NAB2: variants seen among roughly 807,000 people sequenced by gnomAD.
The protein encoded by NAB2 is NGFI-A binding protein 2, also known as NGFI-A-binding protein 2.
Under a neutral mutation model 44.2 loss-of-function variants are expected in NAB2, and 9 were observed. That is an observed-to-expected ratio of 0.20 (90% CI 0.12 to 0.36). NAB2 has a LOEUF of 0.36. NAB2 is among the 10% of genes least tolerant of loss of function. The pLI, the probability that NAB2 is intolerant of heterozygous loss-of-function variation, is 1.00. For missense variants in NAB2, 514 were observed against 709.0 expected (o/e 0.73, Z 3.12); for synonymous variants, 342 against 291.0 (o/e 1.18, Z -1.78).
chr12:57,090,057 C>T (rs929981069), intron 1 of NAB2, among the ~76,000 whole-genome samples: 17 of 152,298 alleles, frequency 1.1e-4, no homozygotes, highest in Non-Finnish European at 2.4e-4. Flanking sequence ...CCTGCCACGG[C>T]CCCTGAGCTG....
chr12:57,093,934 A>C lies in NAB2; in HGVS notation c.1468+336A>C, dbSNP rs2033263121. Among the ~76,000 whole-genome samples the C allele has an allele frequency of 2.6e-5, 4 of 152,086 alleles. No homozygotes were observed. The South Asian group carries it at 6.2e-4, about 24-fold the overall frequency. ...CCAACCCAGGAGTGGGGAGCAGGCT[A>C]GGAGTTGTGGGTATGGGGATGGGGA... On this transcript the variant is annotated intron_variant, in intron 6 of 6. Transcript: ENST00000300131.
chr12:57,092,643 C>G, intron 3 of NAB2, 62 bp downstream of exon 3: 2 of 1,587,116 alleles, frequency 1.3e-6, no homozygotes, highest in Non-Finnish European at 8.6e-7. Context: ...AGATCATGTC[C>G]TAACCTTCAG....
At chr12:57,089,741 C>CCGAGGTCCTGGAGAAGG (rs1555172922) in intron 1 of NAB2, among the ~76,000 whole-genome samples, 1 of 150,566 alleles carries the variant, frequency 6.6e-6, no homozygotes, top group Non-Finnish European at 1.5e-5. Context: ...GCGCGGGCCC[C>CCGAGGTCCTGGAGAAGG]CGGTGCCTTT....
intron 6 of NAB2, 127 bp from the exon 7 acceptor site, chr12:57,094,485 G>A (rs182936348): frequency 6.2e-5 from 47 of 754,628 alleles, no homozygotes; most frequent in Non-Finnish European, 1.0e-4. Flanking sequence ...TGGGCAGGAG[G>A]CAGTAATTCA....
At chr12:57,089,923 G>A (rs1003615189) in intron 1 of NAB2, among the ~76,000 whole-genome samples, 4 of 152,202 alleles carry the variant, frequency 2.6e-5, no homozygotes, top group African/African-American at 9.7e-5. Flanking sequence ...TTGAAGATGC[G>A]GGTGGAAAAT....
chr12:57,092,271 A>G, intron 2 of NAB2, 177 bp from the exon 3 acceptor site: 1 of 1,080,314 alleles, frequency 9.3e-7, no homozygotes, highest in Non-Finnish European at 1.3e-6. Flanking sequence ...ATTCCTAGGA[A>G]GCTGTGGGTG....
At position 57,091,902 on chromosome 12, in the gene NAB2, T is replaced by C. The variant is rs1188510637; in HGVS notation, c.861T>C (p.Asn287=). The C allele has an allele frequency of 9.9e-6, 16 of 1,614,106 alleles. No homozygotes were observed. Among genetic ancestry groups the C allele is most frequent in the Non-Finnish European group, 1.4e-5 (16 of 1,180,000 alleles). The change falls in exon 2 of 7, where the codon AAT becomes AAC. Residue 287 remains asparagine (N), a synonymous_variant. Transcript: ENST00000300131. This position sits in a 1 kb window ranked among gnomAD's most constrained non-coding sequence, Gnocchi z 7.3. The stretch of plus-strand genomic sequence containing the variant: ...GGCACATCTTTGAGATGGATGATAA[T>C]GACAGCCAGAAGGAAGAGGAGATCC... The part of the protein sequence containing the change: ...SVGHIFEMDD[N]DSQKEEEIRK...
At chr12:57,092,874 C>A in intron 3 of NAB2, 43 bp from the exon 4 acceptor site, 1 of 1,609,428 alleles carries the variant, frequency 6.2e-7, no homozygotes, top group Non-Finnish European at 8.5e-7. Flanking sequence ...AGTCGAGTGG[C>A]CCTCGTCAGC....
Position 57,093,398 on chromosome 12 carries a change from T to C in NAB2, c.1277-9T>C, listed in dbSNP as rs1182353982. The C allele has an allele frequency of 1.3e-6, 2 of 1,548,306 alleles. No homozygotes were observed. The highest frequency in any genetic ancestry group is 1.7e-6 in the Non-Finnish European group (2 of 1,147,970). ...CAGCCCCTTACCTGACCAGTGCCCA[T>C]GCCCACAGCTGTGGGGTCATGTCCA... is the stretch of plus-strand genomic sequence containing the variant. On this transcript the variant is annotated splice_polypyrimidine_tract_variant and intron_variant, in intron 5 of 6. Coordinates refer to ENST00000300131, the MANE Select transcript of NAB2 (RefSeq NM_005967.4).
Position 57,091,900 on chromosome 12 carries a change from A to G in NAB2, c.859A>G (p.Asn287Asp), listed in dbSNP as rs2033196585. The G allele has an allele frequency of 1.2e-6, 2 of 1,614,166 alleles. No homozygotes were observed. Among genetic ancestry groups the G allele is most frequent in the Non-Finnish European group, 1.7e-6 (2 of 1,180,016 alleles). Residue 287 changes from asparagine (N) to aspartate (D), a missense_variant, in exon 2 of 7, where the codon AAT (asparagine) becomes GAT (aspartate). Transcript: ENST00000300131. This position sits in a 1 kb window ranked among gnomAD's most constrained non-coding sequence, Gnocchi z 7.3. The stretch of plus-strand genomic sequence containing the variant: ...TGGGCACATCTTTGAGATGGATGAT[A>G]ATGACAGCCAGAAGGAAGAGGAGAT... Reference protein sequence around the residue: ...SVGHIFEMDDNDSQKEEEIRK... With the variant: ...SVGHIFEMDDDDSQKEEEIRK...
chr12:57,089,260 C>A lies in NAB2; in HGVS notation c.-12C>A. The A allele has an allele frequency of 6.4e-7, 1 of 1,567,574 alleles. No individual in the cohort carries two copies. The stretch of plus-strand genomic sequence containing the variant: ...CACCGAGAAGGGCAGCCCGGGTGAT[C>A]TCCGGCCGTCCATGCACAGAGCGCC... On this transcript the variant is annotated 5_prime_UTR_variant, in exon 1 of 7. Coordinates refer to ENST00000300131, the MANE Select transcript of NAB2 (RefSeq NM_005967.4).
At position 57,091,052 on chromosome 12, in the gene NAB2, A is replaced by G. The variant is rs934215329; in HGVS notation, c.84-73A>G. On this transcript the variant is annotated intron_variant, in intron 1 of 6. Coordinates refer to ENST00000300131, the MANE Select transcript of NAB2 (RefSeq NM_005967.4). This position sits in a 1 kb window ranked among gnomAD's most constrained non-coding sequence, Gnocchi z 7.3. The stretch of plus-strand genomic sequence containing the variant: ...AAAAGCAGGCAGGAAAGAGGGAACA[A>G]TTGTTAGTGTGGGTTGGTACCCAGT... 2.0e-5 allele frequency: 26 copies of G among 1,282,244 alleles called. No individual in the cohort carries two copies. The African/African-American group carries it at 2.8e-4, about 14-fold the overall frequency. The allele number at this position is 1,282,244 out of a possible 1,614,324, so 79.4% of individuals were successfully genotyped here.
Position 57,091,044 on chromosome 12 carries a change from A to C in NAB2, c.84-81A>C. On this transcript the variant is annotated intron_variant, in intron 1 of 6. Coordinates refer to ENST00000300131, the MANE Select transcript of NAB2 (RefSeq NM_005967.4). This position sits in a 1 kb window ranked among gnomAD's most constrained non-coding sequence, Gnocchi z 7.3. ...AGGGGAAGAAAAGCAGGCAGGAAAG[A>C]GGGAACAATTGTTAGTGTGGGTTGG... The C allele has an allele frequency of 8.3e-7, 1 of 1,211,056 alleles. No individual in the cohort carries two copies. The highest frequency in any genetic ancestry group is 1.1e-6 in the Non-Finnish European group (1 of 874,004). The allele number at this position is 1,211,056 out of a possible 1,614,324, so 75.0% of individuals were successfully genotyped here. A position where few individuals can be genotyped will look rare whatever the true frequency, so the allele number is the denominator to read the frequency against.
chr12:57,093,837 G>A (rs2033259449), intron 6 of NAB2, among the ~76,000 whole-genome samples: 1 of 119,398 alleles, frequency 8.4e-6, no homozygotes, highest in Non-Finnish European at 1.9e-5. Flanking sequence ...TGGGGAATGG[G>A]GGGACAGAGA....
chr12:57,094,210 A>G (rs545911326), intron 6 of NAB2, among the ~76,000 whole-genome samples: 5 of 145,564 alleles, frequency 3.4e-5, no homozygotes, highest in African/African-American at 1.0e-4. Context: ...TTTGGCTACC[A>G]AAAAACTTGG....
intron 2 of NAB2, 78 bp from the exon 3 acceptor site, chr12:57,092,370 G>GT: frequency 6.4e-7 from 1 of 1,562,432 alleles, no homozygotes; most frequent in South Asian, 1.2e-5. Flanking sequence ...TTGTCCAATG[G>GT]TGAAGGGGTG....
chr12:57,092,900 C>T lies in NAB2; in HGVS notation c.1092-17C>T. 1.2e-6 allele frequency: 2 copies of T among 1,614,126 alleles called. No individual in the cohort carries two copies. The highest frequency in any genetic ancestry group is 2.2e-5 in the East Asian group (1 of 44,886). On this transcript the variant is annotated splice_polypyrimidine_tract_variant and intron_variant, in intron 3 of 6. Coordinates refer to ENST00000300131, the MANE Select transcript of NAB2 (RefSeq NM_005967.4). ...CCTCGTCAGCCTCATCCACTTTATTCTTACCCATCTTTTCAGGCTTCACCC... is the reference window on the plus strand; with the variant it reads ...CCTCGTCAGCCTCATCCACTTTATTTTTACCCATCTTTTCAGGCTTCACCC...
chr12:57,094,850 G>A lies in NAB2; in HGVS notation c.*129G>A. The stretch of plus-strand genomic sequence containing the variant: ...CTGCCCTTCTCCTGCCTCCCCACCT[G>A]CTCCATGGGCATAAGACTGTGGGGC... On this transcript the variant is annotated 3_prime_UTR_variant, in exon 7 of 7. Transcript: ENST00000300131. 1.4e-6 allele frequency: 1 copy of A among 707,506 alleles called. No homozygotes were observed. The highest frequency in any genetic ancestry group is 2.3e-6 in the Non-Finnish European group (1 of 426,306). The allele number at this position is 707,506 out of a possible 1,614,324, so 43.8% of individuals were successfully genotyped here.
In NAB2 at chr12:57,092,577, T is replaced by C. The variant is rs1225623987; in HGVS notation, c.1087T>C (p.Ser363Pro). ...CACCTACTTGTCCTCCTTGAAGGGC[T>C]CCAGGTGAGACCCCTTCCCCAGGTC... ...ESTYLSSLKGSRLHPEELGGP... is the reference protein window; with the variant it reads ...ESTYLSSLKGPRLHPEELGGP... Residue 363 changes from serine to proline, a missense_variant, in exon 3 of 7, where the codon TCC becomes CCC. Physicochemically the swap from Ser to Pro is moderately conservative, Grantham distance 74. Transcript: ENST00000300131. 5 of 1,613,996 alleles carry C rather than the reference T, an allele frequency of 3.1e-6. No homozygotes were observed. The highest frequency in any genetic ancestry group is 2.5e-6 in the Non-Finnish European group (3 of 1,180,012).
Sources: allele counts gnomAD v4.1 joint callset (sites outside exome capture counted in the v4.1 genomes callset), GRCh38; gene constraint gnomAD v4.1.1; non-coding constraint Gnocchi (gnomAD v3.1); transcripts MANE v1.5; gene names NCBI Gene and HGNC (gene_info 2026-07-23, HGNC 2026-07-21).